KAZN: variants seen among roughly 807,000 people sequenced by gnomAD.
KAZN encodes the protein kazrin.
A neutral mutation model predicts 87.4 loss-of-function variants in KAZN; 40 were observed. The ratio of observed to expected loss-of-function variants is 0.46; its 90% confidence interval spans 0.36 to 0.60. The LOEUF (loss-of-function observed/expected upper bound fraction) is 0.60. Among genes scored for constraint, KAZN ranks in the 20% least tolerant of loss-of-function variants. The probability of loss-of-function intolerance (pLI) is 0.00; values close to 1 mark genes in which losing one functional copy is unlikely to be tolerated. For synonymous variants in KAZN, 466 were observed against 458.3 expected (o/e 1.02, Z -0.22); for missense variants, 898 against 1,073.9 (o/e 0.84, Z 2.29).
At chr1:14,514,595 TTATATATATATATATATATATATATATA>T (rs754845099) in intron 2 of KAZN, among the ~76,000 whole-genome samples, 7 of 66,530 alleles carry the variant, frequency 1.1e-4, no homozygotes, top group African/African-American at 1.5e-4. Flanking sequence ...TTTTTATATT[TTATATATATATATATATATATATATATA>T]TATATATATA....
intron 1 of KAZN, among the ~76,000 whole-genome samples, chr1:14,864,622 C>T (rs1651245135): frequency 6.6e-6 from 1 of 152,132 alleles, no homozygotes; most frequent in African/African-American, 2.4e-5. Context: ...GGGACGGACA[C>T]AGCCCTAAAC....
intron 2 of KAZN, among the ~76,000 whole-genome samples, chr1:15,007,666 G>A (rs963441702): frequency 4.6e-5 from 7 of 152,154 alleles, no homozygotes; most frequent in African/African-American, 1.4e-4. Flanking sequence ...CTGCTCTGCC[G>A]GGCAGGTAGC....
chr1:14,418,719 G>A (rs1483277351), intron 2 of KAZN, among the ~76,000 whole-genome samples: 2 of 152,152 alleles, frequency 1.3e-5, no homozygotes, highest in Admixed American at 1.3e-4. Context: ...TCTATGATCT[G>A]ATCTCTCAAG....
At chr1:14,850,048 G>A (rs2100974790) in intron 1 of KAZN, among the ~76,000 whole-genome samples, 1 of 151,132 alleles carries the variant, frequency 6.6e-6, no homozygotes. Context: ...CGATTCTCCT[G>A]CCTCAGCCTC....
chr1:14,960,705 C>T lies in KAZN; in HGVS notation c.248C>T (p.Ser83Leu), dbSNP rs200376788. ...CTAGTGCTCCTGCGGGAAGAAGTGT[C>T]GCGGCTCCAGGAGGAAGTTCACCTT... is the stretch of plus-strand genomic sequence containing the variant. ...GAQVLLREEV[S>L]RLQEEVHLLR... The change falls in exon 2 of 15, where the codon TCG becomes TTG. Residue 83 changes from serine to leucine, a missense_variant. Physicochemically the swap from Ser to Leu is moderately radical, Grantham distance 145 (BLOSUM62 -2). This residue lies in a region of KAZN where 250 missense variants were observed against 263.0 expected (regional missense o/e 0.95). Transcript: ENST00000376030. The T allele has an allele frequency of 2.2e-5, 34 of 1,571,984 alleles. No homozygotes were observed. The highest frequency in any genetic ancestry group is 1.2e-4 in the East Asian group (5 of 43,004).
At chr1:14,010,951 T>G (rs190548579) in intron 1 of KAZN, among the ~76,000 whole-genome samples, 1 of 151,112 alleles carries the variant, frequency 6.6e-6, no homozygotes, top group African/African-American at 2.4e-5. Context: ...TTGCTTCCCC[T>G]TTTTTTTTGG....
At chr1:13,945,604 A>G (rs1040860258) in intron 1 of KAZN, among the ~76,000 whole-genome samples, 1 of 151,612 alleles carries the variant, frequency 6.6e-6, no homozygotes, top group African/African-American at 2.4e-5. Flanking sequence ...CTAACAGTGT[A>G]CCCACAATCA....
chr1:13,920,243 C>CAA (rs56221437), intron 1 of KAZN, among the ~76,000 whole-genome samples: 1,407 of 71,662 alleles, frequency 0.02, 47 homozygotes, highest in African/African-American at 0.055. Flanking sequence ...GACCCTGTCT[C>CAA]AAAAAAAAAA....
chr1:14,463,511 C>T (rs989799102), intron 2 of KAZN, among the ~76,000 whole-genome samples: 2 of 152,156 alleles, frequency 1.3e-5, no homozygotes, highest in African/African-American at 4.8e-5. Flanking sequence ...GCTTCTAAAA[C>T]AGTTGCTGAC....
intron 2 of KAZN, among the ~76,000 whole-genome samples, chr1:14,402,701 AAAG>A (rs1329354833): frequency 2.0e-5 from 3 of 152,222 alleles, no homozygotes; most frequent in South Asian, 2.1e-4. Context: ...AAAGAACAAA[AAAG>A]AAGAACCTGC....
intron 2 of KAZN, among the ~76,000 whole-genome samples, chr1:14,495,309 A>G (rs556061687): frequency 1.1e-4 from 17 of 152,318 alleles, no homozygotes; most frequent in African/African-American, 3.4e-4. Flanking sequence ...GACAGTAATC[A>G]TTTTGGCTCA....
chr1:15,112,546 G>A lies in KAZN; in HGVS notation c.2163+5G>A, dbSNP rs1232297558. ...CTCAAGTACAAGGCTGGCCGGGTAA[G>A]TCTCTCAATGGATTTACCTGTGAGT... On this transcript the variant is annotated splice_donor_5th_base_variant and intron_variant, in intron 14 of 14. Transcript: ENST00000376030. 4 of 1,390,588 alleles carry A rather than the reference G, an allele frequency of 2.9e-6. No homozygotes were observed. The highest frequency in any genetic ancestry group is 2.0e-5 in the Admixed American group (1 of 50,792). The allele number at this position is 1,390,588 out of a possible 1,614,324, so 86.1% of individuals were successfully genotyped here.
intron 3 of KAZN, among the ~76,000 whole-genome samples, chr1:15,043,412 A>G (rs894552641): frequency 6.6e-6 from 1 of 152,222 alleles, no homozygotes; most frequent in African/African-American, 2.4e-5. Context: ...CCCATTTTAC[A>G]TAAGGGGAAC....
chr1:15,107,660 C>A (rs1641341595), intron 13 of KAZN, among the ~76,000 whole-genome samples: 1 of 152,184 alleles, frequency 6.6e-6, no homozygotes, highest in South Asian at 2.1e-4. Flanking sequence ...TCATAAGACA[C>A]CCAATAATAT....
chr1:14,755,087 C>CAAAAAAAAAAAAAA (rs3032756), intron 1 of KAZN, among the ~76,000 whole-genome samples: 2 of 115,568 alleles, frequency 1.7e-5, no homozygotes, highest in Non-Finnish European at 3.4e-5. Context: ...ACTAAAAATG[C>CAAAAAAAAAAAAAA]AAAAAAAAAA....
chr1:14,328,442 G>A (rs1025453027), intron 2 of KAZN, among the ~76,000 whole-genome samples: 9 of 152,048 alleles, frequency 5.9e-5, no homozygotes, highest in East Asian at 3.9e-4. Context: ...GGTGGCTGAC[G>A]CCTGTAATCC....
At chr1:14,832,954 A>C (rs1647093392) in intron 1 of KAZN, among the ~76,000 whole-genome samples, 1 of 152,242 alleles carries the variant, frequency 6.6e-6, no homozygotes, top group South Asian at 2.1e-4. Flanking sequence ...GCAGAGTTGA[A>C]TAGTCAAGGT....
chr1:14,036,576 G>C (rs1641569228), intron 1 of KAZN, among the ~76,000 whole-genome samples: 1 of 152,002 alleles, frequency 6.6e-6, no homozygotes, highest in Admixed American at 6.5e-5. Flanking sequence ...GAGGCAGGAG[G>C]ATCACTTGAT....
chr1:14,474,787 TTCG>T (rs1427708020), intron 2 of KAZN, among the ~76,000 whole-genome samples: 2 of 152,084 alleles, frequency 1.3e-5, no homozygotes, highest in Admixed American at 1.3e-4. Context: ...GGATGGTGGG[TTCG>T]TCTAGGTTTT....
Sources: allele counts gnomAD v4.1 joint callset (sites outside exome capture counted in the v4.1 genomes callset), GRCh38; gene constraint gnomAD v4.1.1; regional missense constraint gnomAD v4.1.1; transcripts MANE v1.5; gene names NCBI Gene and HGNC (gene_info 2026-07-23, HGNC 2026-07-21).